Variants in CD72 observed in about 807,000 individuals in gnomAD.
The protein encoded by CD72 is CD72 molecule, also known as B-cell differentiation antigen CD72.
Under a neutral mutation model 50.7 loss-of-function variants are expected in CD72, and 28 were observed. The observed-to-expected ratio is 0.55, with a 90% CI of 0.41 to 0.76. CD72 has a LOEUF of 0.76. Among genes scored for constraint, CD72 ranks in the 30% least tolerant of loss-of-function variants. The pLI is 0.00. For synonymous variants in CD72, 176 were observed against 171.2 expected, an observed-to-expected ratio of 1.03 and a Z score of -0.22; for missense variants, 403 against 420.6, an observed-to-expected ratio of 0.96 and a Z score of 0.37.
upstream of CD72, chr9:35,618,563 T>C (rs1020383829): frequency 2.5e-6 from 2 of 800,986 alleles, no homozygotes; most frequent in Middle Eastern, 4.6e-4. Flanking sequence ...AACACAGGGG[T>C]AGGGGATGGG....
chr9:35,631,933 G>T (rs1401248037), intron 1 of CD72, among the ~76,000 whole-genome samples: 2 of 152,042 alleles, frequency 1.3e-5, no homozygotes, highest in African/African-American at 2.4e-5. Flanking sequence ...AAATGGCATA[G>T]AAATTATTAT....
chr9:35,646,217 G>C (rs1823390925), intron 1 of CD72: 1 of 152,154 alleles, frequency 6.6e-6, no homozygotes, highest in Non-Finnish European at 1.5e-5. Flanking sequence ...CTGTCCCGGA[G>C]ACCCTCCCTC....
At chr9:35,632,182 CTT>C (rs376745957) in intron 1 of CD72, among the ~76,000 whole-genome samples, 2 of 144,928 alleles carry the variant, frequency 1.4e-5, no homozygotes, top group Non-Finnish European at 1.5e-5. Flanking sequence ...ATTTTCTCCT[CTT>C]TTTTTTTTTT....
chr9:35,614,521 G>A (rs150546828), intron 5 of CD72, among the ~76,000 whole-genome samples: 1 of 152,096 alleles, frequency 6.6e-6, no homozygotes, highest in Non-Finnish European at 1.5e-5. Flanking sequence ...TGAGGGAGAA[G>A]GAGTTACTAT....
At chr9:35,618,816 C>T (rs773375054), upstream of CD72, 44 of 1,272,138 alleles carry the variant, frequency 3.5e-5, no homozygotes, top group Non-Finnish European at 4.1e-5. Context: ...TTGCATCCCT[C>T]GCTTCTCATC....
At chr9:35,641,179 T>G (rs1220883556) in intron 1 of CD72, among the ~76,000 whole-genome samples, 5 of 150,804 alleles carry the variant, frequency 3.3e-5, no homozygotes, top group Non-Finnish European at 5.9e-5. Flanking sequence ...ACAGTTGAGA[T>G]TTCCTCGGGG....
chr9:35,611,944 G>A lies in CD72; in HGVS notation c.835-25C>T, dbSNP rs556170428. On this transcript the variant is annotated intron_variant, in intron 6 of 8. Transcript: ENST00000259633. Reference sequence around the variant, plus strand: ...GCTGAGGGGAGATTCAGAGAGACCAGAGATACATGGAGAGTGATGAGAAAT... The same window carrying A: ...GCTGAGGGGAGATTCAGAGAGACCAAAGATACATGGAGAGTGATGAGAAAT... 3.5e-5 allele frequency: 40 copies of A among 1,156,198 alleles called. No individual in the cohort carries two copies. In the South Asian group the frequency reaches 4.9e-4, roughly 14 times the overall value. 71.6% of individuals were successfully genotyped at this position (1,156,198 alleles called of 1,614,324 possible). A position where few individuals can be genotyped will look rare whatever the true frequency, so the allele number is the denominator to read the frequency against.
At position 35,616,695 on chromosome 9, in the gene CD72, G is replaced by A; in HGVS notation, c.263-6C>T. 6.2e-7 allele frequency: 1 copy of A among 1,610,554 alleles called. No individual in the cohort carries two copies. The highest frequency in any genetic ancestry group is 8.5e-7 in the Non-Finnish European group (1 of 1,177,676). On this transcript the variant is annotated splice_region_variant and splice_polypyrimidine_tract_variant and intron_variant, in intron 3 of 8. Transcript: ENST00000259633. Reference sequence around the variant, plus strand: ...TCGCAGGCAGGTTGTGCGGCCTTAGGGGGACAGTGGGATGGATGAGGGCAG... The same window carrying A: ...TCGCAGGCAGGTTGTGCGGCCTTAGAGGGACAGTGGGATGGATGAGGGCAG...
intron 1 of CD72, among the ~76,000 whole-genome samples, chr9:35,639,554 CAA>C (rs200510357): frequency 0.019 from 2,825 of 152,192 alleles, 86 homozygotes; most frequent in African/African-American, 0.06. Context: ...AGCTTTACCA[CAA>C]AGAGATAAAG....
Position 35,611,738 on chromosome 9 carries a change from T to C in CD72, c.950+66A>G, listed in dbSNP as rs879202457. 3.0e-5 allele frequency: 26 copies of C among 872,224 alleles called. No homozygotes were observed. In the South Asian group the frequency reaches 3.1e-4, roughly 10 times the overall value. 54.0% of individuals were successfully genotyped at this position (872,224 alleles called of 1,614,324 possible). ...GAGGGGACCAGGTGGGAAGGAAATC[T>C]GATTACCATGTCTTTATGGAGGGGA... On this transcript the variant is annotated intron_variant, in intron 7 of 8. Transcript: ENST00000259633.
chr9:35,645,444 T>C (rs1441965083), intron 1 of CD72, among the ~76,000 whole-genome samples: 1 of 151,820 alleles, frequency 6.6e-6, no homozygotes, highest in African/African-American at 2.4e-5. Context: ...TAGCAGGGCA[T>C]GGTGGTGCAC....
At chr9:35,623,470 T>A (rs1321343057), upstream of CD72, among the ~76,000 whole-genome samples, 2 of 152,212 alleles carry the variant, frequency 1.3e-5, no homozygotes. Flanking sequence ...AGCCCTTTTT[T>A]TTTGTTTTGT....
rs1389455585 is a variant in CD72, at chr9:35,611,939, G to A, written c.835-20C>T. On this transcript the variant is annotated intron_variant, in intron 6 of 8. Transcript: ENST00000259633. ...AGAGTGCTGAGGGGAGATTCAGAGA[G>A]ACCAGAGATACATGGAGAGTGATGA... The A allele has an allele frequency of 8.2e-7, 1 of 1,224,580 alleles. No individual in the cohort carries two copies. Among genetic ancestry groups the A allele is most frequent in the Non-Finnish European group, 1.2e-6 (1 of 824,550 alleles). 75.9% of individuals were successfully genotyped at this position (1,224,580 alleles called of 1,614,324 possible).
intron 5 of CD72, 42 bp from the exon 6 acceptor site, chr9:35,613,035 G>C (rs758863237): frequency 6.5e-7 from 1 of 1,549,118 alleles, no homozygotes; most frequent in South Asian, 1.2e-5. Context: ...CAGTTGGGAT[G>C]AAAGTGACTA....
At position 35,612,841 on chromosome 9, in the gene CD72, T is replaced by G. The variant is rs752929460; in HGVS notation, c.834+7A>C. 4.3e-6 allele frequency: 7 copies of G among 1,614,024 alleles called. No homozygotes were observed. The highest frequency in any genetic ancestry group is 1.1e-5 in the South Asian group (1 of 91,074). ...CCACTGCAGTCTGTGAGTAAGGATA[T>G]GCTTACTGATTGTGGATAAATTTCA... On this transcript the variant is annotated splice_region_variant and intron_variant, in intron 6 of 8. Coordinates refer to ENST00000259633, the MANE Select transcript of CD72 (RefSeq NM_001782.3).
At chr9:35,627,802 T>C (rs758746243) in intron 1 of CD72, among the ~76,000 whole-genome samples, 1 of 152,092 alleles carries the variant, frequency 6.6e-6, no homozygotes, top group Non-Finnish European at 1.5e-5. Flanking sequence ...CTTGTCCCAC[T>C]GATGCTCCTA....
At chr9:35,633,264 G>GTT (rs112670848) in intron 1 of CD72, among the ~76,000 whole-genome samples, 1 of 135,592 alleles carries the variant, frequency 7.4e-6, no homozygotes, top group African/African-American at 2.7e-5. Context: ...TTTGTTTTTT[G>GTT]TTTTTTTTTT....
At chr9:35,631,922 T>C (rs973053142) in intron 1 of CD72, among the ~76,000 whole-genome samples, 7 of 151,992 alleles carry the variant, frequency 4.6e-5, no homozygotes, top group African/African-American at 1.4e-4. Context: ...TAAAAATAAA[T>C]AAATGGCATA....
intron 5 of CD72, among the ~76,000 whole-genome samples, chr9:35,615,219 C>T (rs1202621003): frequency 1.3e-5 from 2 of 152,142 alleles, no homozygotes. Flanking sequence ...ATCTTGCTGT[C>T]TTATGCCTGG....
Sources: allele counts gnomAD v4.1 joint callset (sites outside exome capture counted in the v4.1 genomes callset), GRCh38; gene constraint gnomAD v4.1.1; transcripts MANE v1.5; gene names NCBI Gene and HGNC (gene_info 2026-07-23, HGNC 2026-07-21).